Variants in KMO observed in about 807,000 individuals in gnomAD.
KMO encodes the protein kynurenine 3-hydroxylase.
In KMO, 24 loss-of-function variants were observed where a neutral mutation model predicts 57.8. The observed-to-expected ratio is 0.42, with a 90% CI of 0.30 to 0.58. The LOEUF (loss-of-function observed/expected upper bound fraction) is 0.58. KMO is among the 20% of genes least tolerant of loss of function. The pLI, the probability that KMO is intolerant of heterozygous loss-of-function variation, is 0.22. For synonymous variants in KMO, 210 were observed against 193.6 expected, an observed-to-expected ratio of 1.08 and a Z score of -0.70; for missense variants, 483 against 588.2, an observed-to-expected ratio of 0.82 and a Z score of 1.85.
chr1:241,594,315 C>G lies in KMO; in HGVS notation c.*2162C>G, dbSNP rs1663428296. The G allele has an allele frequency of 4.9e-6, 6 of 1,213,918 alleles. No homozygotes were observed. The East Asian group carries it at 1.2e-4, about 24-fold the overall frequency. The allele number at this position is 1,213,918 out of a possible 1,614,324, so 75.2% of individuals were successfully genotyped here. ...TGGGCAATTCGGATTTCCTGCTGGA[C>G]CACAAGGTTCTGTTGATATTACATA... is the stretch of plus-strand genomic sequence containing the variant. On this transcript the variant is annotated 3_prime_UTR_variant, in exon 15 of 15. Transcript: ENST00000366559.
intron 10 of KMO, among the ~76,000 whole-genome samples, chr1:241,571,084 C>T (rs1662261431): frequency 6.6e-6 from 1 of 151,870 alleles, no homozygotes; most frequent in South Asian, 2.1e-4. Context: ...AGATTGTTTA[C>T]TCTTGGCATA....
chr1:241,548,585 T>TAAA (rs34302807), intron 1 of KMO, among the ~76,000 whole-genome samples: 2 of 142,712 alleles, frequency 1.4e-5, no homozygotes, highest in African/African-American at 2.6e-5. Context: ...TATAAAAAAG[T>TAAA]AAAAAAAAAA....
chr1:241,552,425 T>C (rs955467704), intron 4 of KMO, among the ~76,000 whole-genome samples: 1 of 152,184 alleles, frequency 6.6e-6, no homozygotes, highest in African/African-American at 2.4e-5. Context: ...TCCTTGCCCT[T>C]TAAGAACTGC....
rs183564173 is a variant in KMO at position 241,567,215 on chromosome 1, A to G, written c.809+603A>G. Among the ~76,000 whole-genome samples the G allele has an allele frequency of 2.0e-5, 3 of 152,326 alleles. No individual in the cohort carries two copies. The East Asian group carries it at 5.8e-4, about 29-fold the overall frequency. On this transcript the variant is annotated intron_variant, in intron 9 of 14. Transcript: ENST00000366559. ...CATGCCTTAGTCAGTTCAGTGAGCCATAATAAAACTACCATAGACTCGGTG... is the reference window on the plus strand; with the variant it reads ...CATGCCTTAGTCAGTTCAGTGAGCCGTAATAAAACTACCATAGACTCGGTG...
intron 1 of KMO, among the ~76,000 whole-genome samples, chr1:241,538,844 C>A (rs1243636746): frequency 2.0e-5 from 3 of 152,206 alleles, no homozygotes; most frequent in Admixed American, 2.0e-4. Context: ...CAACTTTAGA[C>A]AGCTCCAGAC....
intron 10 of KMO, among the ~76,000 whole-genome samples, chr1:241,571,183 G>A (rs1253249146): frequency 1.0e-4 from 5 of 49,794 alleles, no homozygotes; most frequent in Non-Finnish European, 2.4e-4. Context: ...TTTTGGTGGA[G>A]TCTTTAGGTT....
In KMO at chr1:241,594,701, G is replaced by GA. The variant is rs1663445333; in HGVS notation, c.*2554dup. 4 of 1,606,054 alleles carry GA rather than the reference G, an allele frequency of 2.5e-6. No individual in the cohort carries two copies. The Admixed American group carries it at 5.2e-5, about 21-fold the overall frequency. On this transcript the variant is annotated 3_prime_UTR_variant, in exon 15 of 15. Coordinates refer to ENST00000366559, the MANE Select transcript of KMO (RefSeq NM_003679.5). ...AAAGGGATCTTCGAAACTGGGCAGA[G>GA]AAAAAATAAAGTGGAATATTAAGTA...
At position 241,590,105 on chromosome 1, in the gene KMO, T is replaced by C; in HGVS notation, c.1192T>C (p.Tyr398His). 4.3e-6 allele frequency: 7 copies of C among 1,611,982 alleles called. No homozygotes were observed. Among genetic ancestry groups the C allele is most frequent in the Non-Finnish European group, 5.9e-6 (7 of 1,178,042 alleles). The stretch of plus-strand genomic sequence containing the variant: ...TATGCCATCGACCTTTATCCCTCTC[T>C]ATACAATGGTAAGGTCTGGACTGAA... ...AIMPSTFIPL[Y>H]TMVTFSRIRY... is the part of the protein sequence containing the mutation. Residue 398 changes from tyrosine (Y) to histidine (H), a missense_variant, in exon 13 of 15, where the codon TAT becomes CAT. Coordinates refer to ENST00000366559, the MANE Select transcript of KMO (RefSeq NM_003679.5).
chr1:241,565,742 G>C (rs914545862), intron 8 of KMO, among the ~76,000 whole-genome samples: 12 of 151,976 alleles, frequency 7.9e-5, no homozygotes, highest in African/African-American at 2.9e-4. Context: ...AGAGAGCATG[G>C]CTTTTCTTTC....
At position 241,595,171 on chromosome 1, in the gene KMO, A is replaced by T. The variant is rs1663464242; in HGVS notation, c.*3018A>T. ...GTGAAGAATTTTTTTTTTCTATCGAAATTACTAATCAGTTGGGGAAAAAAA... is the reference window on the plus strand; with the variant it reads ...GTGAAGAATTTTTTTTTTCTATCGATATTACTAATCAGTTGGGGAAAAAAA... On this transcript the variant is annotated 3_prime_UTR_variant, in exon 15 of 15. Coordinates refer to ENST00000366559, the MANE Select transcript of KMO (RefSeq NM_003679.5). 1 of 153,300 alleles carries T rather than the reference A, an allele frequency of 6.5e-6. No individual in the cohort carries two copies. Among genetic ancestry groups the T allele is most frequent in the African/African-American group, 2.4e-5 (1 of 41,428 alleles). 9.5% of individuals were successfully genotyped at this position (153,300 alleles called of 1,614,324 possible).
intron 5 of KMO, among the ~76,000 whole-genome samples, chr1:241,558,007 A>G (rs1417806399): frequency 6.6e-6 from 1 of 152,030 alleles, no homozygotes; most frequent in African/African-American, 2.4e-5. Context: ...CCTTTCAACA[A>G]CTCTATGAGG....
chr1:241,568,414 A>G lies in KMO; in HGVS notation c.810-86A>G, dbSNP rs1055199045. ...TCTTGTTTTTCAACAAAACTTCGTG[A>G]TAGTTAATTTAGTAAACCTGAAAGA... On this transcript the variant is annotated intron_variant, in intron 9 of 14. Transcript: ENST00000366559. 10 of 1,316,284 alleles carry G rather than the reference A, an allele frequency of 7.6e-6. No homozygotes were observed. The African/African-American group carries it at 1.3e-4, about 18-fold the overall frequency. The allele number at this position is 1,316,284 out of a possible 1,614,324, so 81.5% of individuals were successfully genotyped here. A position where few individuals can be genotyped will look rare whatever the true frequency, so the allele number is the denominator to read the frequency against.
intron 10 of KMO, among the ~76,000 whole-genome samples, chr1:241,578,397 A>G (rs892014898): frequency 6.6e-6 from 1 of 152,096 alleles, no homozygotes; most frequent in East Asian, 1.9e-4. Flanking sequence ...GGCATGTTTC[A>G]TTGATGTGGT....
At chr1:241,561,724 A>C (rs1301538796) in intron 6 of KMO, among the ~76,000 whole-genome samples, 1 of 152,106 alleles carries the variant, frequency 6.6e-6, no homozygotes, top group East Asian at 1.9e-4. Flanking sequence ...GACATTCAAG[A>C]TTCTCTTCTT....
At position 241,569,505 on chromosome 1, in the gene KMO, T is replaced by C. The variant is rs574889510; in HGVS notation, c.957+858T>C. Reference sequence around the variant, plus strand: ...TGGCATTTCATTCTTTTTTTATAGCTGAATAATATTCCATTGTGAATATGT... The same window carrying C: ...TGGCATTTCATTCTTTTTTTATAGCCGAATAATATTCCATTGTGAATATGT... On this transcript the variant is annotated intron_variant, in intron 10 of 14. Transcript: ENST00000366559. Among the ~76,000 whole-genome samples, 156 of 152,284 alleles carry C rather than the reference T, an allele frequency of 1.0e-3. 1 individual carries two copies. Among genetic ancestry groups the C allele is most frequent in the African/African-American group, 3.7e-3 (153 of 41,578 alleles).
chr1:241,581,745 G>A (rs963428902), intron 10 of KMO, among the ~76,000 whole-genome samples: 6 of 152,002 alleles, frequency 3.9e-5, no homozygotes, highest in Non-Finnish European at 5.9e-5. Flanking sequence ...AAAAGTTCTT[G>A]TAATTATTAT....
chr1:241,564,108 C>A (rs1251477356), intron 7 of KMO, among the ~76,000 whole-genome samples: 1 of 152,106 alleles, frequency 6.6e-6, no homozygotes, highest in Non-Finnish European at 1.5e-5. Flanking sequence ...AAGACACAGT[C>A]CCTTCACCTA....
chr1:241,562,005 T>C, intron 6 of KMO, 162 bp from the exon 7 acceptor site: 1 of 611,940 alleles, frequency 1.6e-6, no homozygotes, highest in South Asian at 2.0e-5. Flanking sequence ...ACAAGTGTTT[T>C]CATCTAAATG....
chr1:241,546,334 C>T (rs1432279034), intron 1 of KMO, among the ~76,000 whole-genome samples: 2 of 152,274 alleles, frequency 1.3e-5, no homozygotes, highest in African/African-American at 4.8e-5. Context: ...TTTGTAGATG[C>T]CTGTAGGCAT....
Sources: allele counts gnomAD v4.1 joint callset (sites outside exome capture counted in the v4.1 genomes callset), GRCh38; gene constraint gnomAD v4.1.1; transcripts MANE v1.5; gene names NCBI Gene and HGNC (gene_info 2026-07-23, HGNC 2026-07-21).